The following GRAMD2B variants were observed in gnomAD, a reference collection of about 807,000 sequenced individuals.
GRAMD2B encodes GRAM domain containing 2B.
Under a neutral mutation model 59.2 loss-of-function variants are expected in GRAMD2B, and 41 were observed. That is an observed-to-expected ratio of 0.69 (90% CI 0.54 to 0.90). The LOEUF (loss-of-function observed/expected upper bound fraction) is 0.90, where lower values mean the gene tolerates loss of function less well. Among genes scored for constraint, GRAMD2B ranks in the 40% least tolerant of loss-of-function variants. The pLI is 0.00. For synonymous variants in GRAMD2B, 161 were observed against 182.7 expected (o/e 0.88, Z 0.96); for missense variants, 424 against 500.5 (o/e 0.85, Z 1.46).
upstream of GRAMD2B, among the ~76,000 whole-genome samples, chr5:126,369,487 A>C (rs897045518): frequency 2.0e-5 from 3 of 152,244 alleles, no homozygotes; most frequent in Non-Finnish European, 4.4e-5. Context: ...ACAGAGAGTC[A>C]ATAAATATTA....
chr5:126,420,668 G>A (rs1759645354), upstream of GRAMD2B, among the ~76,000 whole-genome samples: 1 of 152,166 alleles, frequency 6.6e-6, no homozygotes, highest in South Asian at 2.1e-4. Flanking sequence ...TTAAAAGAGG[G>A]CTGACCATGA....
intron 1 of GRAMD2B, among the ~76,000 whole-genome samples, chr5:126,407,928 TTAACGAG>T (rs1450798063): frequency 6.6e-6 from 1 of 152,060 alleles, no homozygotes; most frequent in Non-Finnish European, 1.5e-5. Context: ...TTGTGTTGTT[TTAACGAG>T]TATCTTTTTA....
intron 1 of GRAMD2B, among the ~76,000 whole-genome samples, chr5:126,408,279 A>T (rs114094105): frequency 0.029 from 4,381 of 152,134 alleles, 98 homozygotes; most frequent in Admixed American, 0.057. Flanking sequence ...AAGGACATGA[A>T]TTCATACTTT....
chr5:126,371,463 T>C, exon 1 of GRAMD2B: 4 of 1,289,078 alleles, frequency 3.1e-6, no homozygotes, highest in Non-Finnish European at 4.0e-6. Flanking sequence ...AAAGGCTGCC[T>C]TCTAGTGACA....
chr5:126,363,733 T>C (rs1419894618), intron 1 of GRAMD2B, among the ~76,000 whole-genome samples: 1 of 152,202 alleles, frequency 6.6e-6, no homozygotes, highest in African/African-American at 2.4e-5. Flanking sequence ...ACTTTTTCTA[T>C]ATATACAGAT....
intron 6 of GRAMD2B, chr5:126,480,252 G>A (rs1272304143): frequency 1.5e-5 from 8 of 534,754 alleles, no homozygotes; most frequent in Non-Finnish European, 2.3e-5. Context: ...TGAAGATTTT[G>A]TTGCTTTTAT....
At chr5:126,415,211 A>G (rs949290028) in intron 1 of GRAMD2B, among the ~76,000 whole-genome samples, 4 of 152,256 alleles carry the variant, frequency 2.6e-5, no homozygotes, top group Non-Finnish European at 5.9e-5. Flanking sequence ...GTGTGACCCA[A>G]AACAAAAGAA....
intron 1 of GRAMD2B, among the ~76,000 whole-genome samples, chr5:126,381,705 T>C (rs1580713792): frequency 1.3e-5 from 2 of 152,190 alleles, no homozygotes; most frequent in Non-Finnish European, 2.9e-5. Flanking sequence ...AGTATTGCGA[T>C]GTGAGGTAGT....
At chr5:126,374,303 G>A (rs1461660769) in intron 1 of GRAMD2B, among the ~76,000 whole-genome samples, 1 of 152,144 alleles carries the variant, frequency 6.6e-6, no homozygotes, top group African/African-American at 2.4e-5. Context: ...TTTAATATAT[G>A]TTAAACTAAG....
At chr5:126,481,646 A>C (rs1177443710) in intron 8 of GRAMD2B, among the ~76,000 whole-genome samples, 6 of 152,172 alleles carry the variant, frequency 3.9e-5, no homozygotes, top group Admixed American at 3.9e-4. Context: ...TGGTATACCT[A>C]TACAATGGGA....
intron 1 of GRAMD2B, among the ~76,000 whole-genome samples, chr5:126,386,807 C>T (rs1393915404): frequency 6.6e-6 from 1 of 152,078 alleles, no homozygotes; most frequent in Non-Finnish European, 1.5e-5. Context: ...GGATTAGGTA[C>T]AGATAATTTT....
At chr5:126,369,254 G>A (rs1406236326), upstream of GRAMD2B, among the ~76,000 whole-genome samples, 1 of 143,308 alleles carries the variant, frequency 7.0e-6, no homozygotes, top group Non-Finnish European at 1.5e-5. Context: ...AACTGTAAAT[G>A]CTCAATAAAT....
At chr5:126,383,697 CA>C (rs1428951609) in intron 1 of GRAMD2B, among the ~76,000 whole-genome samples, 1 of 152,142 alleles carries the variant, frequency 6.6e-6, no homozygotes, top group Non-Finnish European at 1.5e-5. Context: ...GATACATGAC[CA>C]AAATGGCATT....
intron 1 of GRAMD2B, among the ~76,000 whole-genome samples, chr5:126,433,157 T>G (rs978917871): frequency 1.3e-5 from 2 of 152,232 alleles, no homozygotes; most frequent in Non-Finnish European, 2.9e-5. Context: ...TATCAAAGCT[T>G]AGACAAGATG....
rs1759985046 is a variant in GRAMD2B at position 126,423,443 on chromosome 5, C to T, written c.-164C>T. ...CGCTCCGACGTGTCCAGGTCCGCGG[C>T]CCCGGGAGCTTGGCGCGGCCCGGCC... On this transcript the variant is annotated 5_prime_UTR_variant, in exon 1 of 14. Transcript: ENST00000285689. The T allele has an allele frequency of 7.1e-7, 1 of 1,413,038 alleles. No homozygotes were observed. The highest frequency in any genetic ancestry group is 9.2e-7 in the Non-Finnish European group (1 of 1,089,588). 87.5% of individuals were successfully genotyped at this position (1,413,038 alleles called of 1,614,324 possible). A position where few individuals can be genotyped will look rare whatever the true frequency, so the allele number is the denominator to read the frequency against.
At chr5:126,373,405 G>C (rs936902809) in intron 1 of GRAMD2B, among the ~76,000 whole-genome samples, 30 of 152,258 alleles carry the variant, frequency 2.0e-4, no homozygotes, top group African/African-American at 6.5e-4. Context: ...CAGTGAACTA[G>C]AGCTAATAAA....
intron 1 of GRAMD2B, among the ~76,000 whole-genome samples, chr5:126,373,207 T>C (rs575900459): frequency 6.7e-4 from 102 of 152,316 alleles, no homozygotes; most frequent in African/African-American, 2.3e-3. Context: ...TTGAAGGACT[T>C]TTAGTCTAGT....
upstream of GRAMD2B, among the ~76,000 whole-genome samples, chr5:126,367,134 G>A (rs1256980371): frequency 1.3e-5 from 2 of 151,468 alleles, no homozygotes; most frequent in Non-Finnish European, 2.9e-5. Context: ...TGGGATTACA[G>A]GCGTGAGGCA....
At chr5:126,418,661 T>C (rs1759460824), upstream of GRAMD2B, among the ~76,000 whole-genome samples, 1 of 152,250 alleles carries the variant, frequency 6.6e-6, no homozygotes. Context: ...CAGAGTTCCA[T>C]TCCAATGTTT....
Sources: allele counts gnomAD v4.1 joint callset (sites outside exome capture counted in the v4.1 genomes callset), GRCh38; gene constraint gnomAD v4.1.1; transcripts MANE v1.5; gene names NCBI Gene and HGNC (gene_info 2026-07-23, HGNC 2026-07-21).